The following AXDND1 variants were observed in gnomAD, a reference collection of about 807,000 sequenced individuals.
AXDND1 encodes the protein axonemal dynein light chain domain-containing protein 1.
Under a neutral mutation model 137.5 loss-of-function variants are expected in AXDND1, and 110 were observed. The observed-to-expected ratio is 0.80, with a 90% CI of 0.69 to 0.94. The LOEUF (loss-of-function observed/expected upper bound fraction) is 0.94, where lower values mean the gene tolerates loss of function less well. Ranked by LOEUF, AXDND1 falls within the 40% of genes least tolerant of loss-of-function variation. The pLI is 0.00. For synonymous variants in AXDND1, 414 were observed against 399.7 expected (o/e 1.04, Z -0.43); for missense variants, 1,191 against 1,169.8 (o/e 1.02, Z -0.26).
intron 25 of AXDND1, among the ~76,000 whole-genome samples, chr1:179,546,531 G>A (rs1175609277): frequency 1.3e-5 from 2 of 152,134 alleles, no homozygotes; most frequent in African/African-American, 4.8e-5. Context: ...AGGCTGCCGA[G>A]TGAGGCTGTT....
chr1:179,373,782 AGCTGAAAC>A (rs1472575708), intron 4 of AXDND1, among the ~76,000 whole-genome samples: 4 of 152,210 alleles, frequency 2.6e-5, no homozygotes, highest in Admixed American at 6.5e-5. Context: ...ATATGTAGAA[AGCTGAAAC>A]TGGATCCCTT....
At chr1:179,460,509 T>C (rs1015332668) in intron 16 of AXDND1, among the ~76,000 whole-genome samples, 2 of 152,188 alleles carry the variant, frequency 1.3e-5, no homozygotes, top group Non-Finnish European at 2.9e-5. Context: ...ACAATAAACG[T>C]AGGTGTGCAT....
intron 20 of AXDND1, among the ~76,000 whole-genome samples, chr1:179,505,152 C>G (rs572541391): frequency 8.5e-5 from 13 of 152,224 alleles, no homozygotes; most frequent in Admixed American, 7.2e-4. Context: ...TGGCCTCATC[C>G]ACATCCCACA....
intron 25 of AXDND1, among the ~76,000 whole-genome samples, chr1:179,554,071 C>G (rs1462247601): frequency 6.6e-6 from 1 of 152,100 alleles, no homozygotes; most frequent in Admixed American, 6.6e-5. Flanking sequence ...TGCTACCACG[C>G]CCAGCTAATT....
At chr1:179,459,199 G>A (rs934119467) in intron 16 of AXDND1, among the ~76,000 whole-genome samples, 10 of 152,182 alleles carry the variant, frequency 6.6e-5, no homozygotes, top group Admixed American at 3.3e-4. Context: ...TGTCCAGGCC[G>A]AATAATGGCC....
intron 17 of AXDND1, among the ~76,000 whole-genome samples, chr1:179,469,593 A>G (rs1280874211): frequency 6.6e-6 from 1 of 152,234 alleles, no homozygotes; most frequent in African/African-American, 2.4e-5. Flanking sequence ...AGGAACTGCC[A>G]GACTGTTTTC....
chr1:179,368,718 G>A, intron 2 of AXDND1, 82 bp from the exon 3 acceptor site: 1 of 1,093,328 alleles, frequency 9.1e-7, no homozygotes, highest in Non-Finnish European at 1.3e-6. Flanking sequence ...GAAACAGATG[G>A]GATTGATGAG....
Position 179,534,842 on chromosome 1 carries a change from A to G in AXDND1, c.2911A>G (p.Arg971Gly), listed in dbSNP as rs1193554972. ...KDLEELVMTS[R>G]KESKEEKENQ... ...TCTAGAGGAATTAGTCATGACATCA[A>G]GAAAGGAGTCTAAAGAAGAGAAAGA... The change falls in exon 25 of 26, where the codon AGA becomes GGA. Residue 971 changes from arginine (R) to glycine (G), a missense_variant. Transcript: ENST00000367618. The G allele has an allele frequency of 4.3e-6, 7 of 1,611,530 alleles. No homozygotes were observed. In the East Asian group the frequency reaches 6.7e-5, roughly 15 times the overall value.
chr1:179,507,335 A>T (rs900401077), intron 20 of AXDND1, among the ~76,000 whole-genome samples: 48 of 152,114 alleles, frequency 3.2e-4, no homozygotes, highest in African/African-American at 1.1e-3. Context: ...ACTCCTAATA[A>T]TTTTTTTCCT....
intron 12 of AXDND1, among the ~76,000 whole-genome samples, chr1:179,415,670 G>T (rs1654585287): frequency 6.6e-6 from 1 of 151,628 alleles, no homozygotes; most frequent in African/African-American, 2.4e-5. Flanking sequence ...TTCAACTTAG[G>T]TAATCATTAA....
At chr1:179,495,368 G>A (rs1667337959) in intron 20 of AXDND1, among the ~76,000 whole-genome samples, 1 of 151,936 alleles carries the variant, frequency 6.6e-6, no homozygotes, top group Non-Finnish European at 1.5e-5. Context: ...TTTAAGCAAA[G>A]TTTTATAGTT....
intron 11 of AXDND1, among the ~76,000 whole-genome samples, chr1:179,399,779 A>G (rs1242845135): frequency 1.3e-5 from 2 of 152,234 alleles, no homozygotes; most frequent in Non-Finnish European, 2.9e-5. Context: ...ATGAATAGAC[A>G]ATTCTCAAAA....
intron 16 of AXDND1, chr1:179,454,495 A>G (rs1661006465): frequency 6.6e-6 from 1 of 152,306 alleles, no homozygotes; most frequent in African/African-American, 2.4e-5. Context: ...ATAAGTTGAG[A>G]AATGATGAGG....
At chr1:179,424,287 T>C (rs1276570899) in intron 12 of AXDND1, among the ~76,000 whole-genome samples, 2 of 152,140 alleles carry the variant, frequency 1.3e-5, no homozygotes, top group African/African-American at 4.8e-5. Flanking sequence ...GCTTTTACGG[T>C]CATCTTTTTG....
At chr1:179,489,466 G>A (rs1382021720) in intron 18 of AXDND1, among the ~76,000 whole-genome samples, 1 of 152,064 alleles carries the variant, frequency 6.6e-6, no homozygotes, top group East Asian at 1.9e-4. Context: ...GTATAATCTA[G>A]GCCATTGGTA....
intron 21 of AXDND1, among the ~76,000 whole-genome samples, chr1:179,517,527 C>A (rs1359636868): frequency 6.6e-6 from 1 of 152,218 alleles, no homozygotes; most frequent in South Asian, 2.1e-4. Context: ...CTCCTTGGGG[C>A]GTTTTCCCCT....
At chr1:179,471,409 T>C (rs1442882167) in intron 17 of AXDND1, among the ~76,000 whole-genome samples, 3 of 152,242 alleles carry the variant, frequency 2.0e-5, no homozygotes, top group African/African-American at 7.2e-5. Context: ...ATTTATATTG[T>C]CTATTTCTTA....
At chr1:179,414,846 C>T (rs1239536858) in intron 12 of AXDND1, among the ~76,000 whole-genome samples, 1 of 152,070 alleles carries the variant, frequency 6.6e-6, no homozygotes, top group East Asian at 1.9e-4. Flanking sequence ...AATAATAAAA[C>T]ATTTTAAAAG....
intron 22 of AXDND1, among the ~76,000 whole-genome samples, chr1:179,527,263 A>C (rs1670616330): frequency 2.0e-5 from 3 of 152,182 alleles, no homozygotes; most frequent in Admixed American, 2.0e-4. Flanking sequence ...GGAGTATAGC[A>C]GTGAGGACAA....
Sources: gnomAD v4.1 joint callset for allele counts (sites outside exome capture counted in the v4.1 genomes callset) on GRCh38, gnomAD v4.1.1 for gene constraint, MANE v1.5 for transcripts, NCBI Gene and HGNC (gene_info 2026-07-23, HGNC 2026-07-21) for gene names.